Variants in MARCHF8 observed in about 807,000 individuals in gnomAD.
The protein encoded by MARCHF8 is E3 ubiquitin-protein ligase MARCHF8.
In MARCHF8, 40 loss-of-function variants were observed where a neutral mutation model predicts 51.6. That is an observed-to-expected ratio of 0.77 (90% CI 0.60 to 1.01). The LOEUF is 1.01. Ranked by LOEUF, MARCHF8 falls within the 50% of genes least tolerant of loss-of-function variation. The pLI is 0.00. For synonymous variants in MARCHF8, 263 were observed against 280.3 expected, an observed-to-expected ratio of 0.94 and a Z score of 0.62; for missense variants, 685 against 708.6, an observed-to-expected ratio of 0.97 and a Z score of 0.38.
intron 2 of MARCHF8, among the ~76,000 whole-genome samples, chr10:45,495,178 G>C (rs1477914969): frequency 6.6e-6 from 1 of 151,084 alleles, no homozygotes; most frequent in Non-Finnish European, 1.5e-5. Context: ...GGATTATGTA[G>C]GGTTTTATCT....
At chr10:45,584,126 CATATATATATATATATAT>C (rs55978063) in intron 1 of MARCHF8, among the ~76,000 whole-genome samples, 136 of 85,362 alleles carry the variant, frequency 1.6e-3, no homozygotes, top group Non-Finnish European at 1.8e-3. Context: ...TATATACAAT[CATATATATATATATATAT>C]ATATATATAT....
Position 45,533,204 on chromosome 10 carries a change from A to G in MARCHF8, c.8T>C (p.Met3Thr), listed in dbSNP as rs557096388. The change falls in exon 2 of 8, where the codon ATG becomes ACG. Residue 3 changes from methionine (M) to threonine (T), a missense_variant. Coordinates refer to ENST00000453424, the MANE Select transcript of MARCHF8 (RefSeq NM_001282866.2). MS[M>T]PLHQISAIPS... ...AATGGCAGAGATCTGATGCAGTGGC[A>G]TGCTCATCCCAACCTCTTATCTGGT... is the stretch of plus-strand genomic sequence containing the variant. 6.2e-7 allele frequency: 1 copy of G among 1,610,170 alleles called. No individual in the cohort carries two copies. The highest frequency in any genetic ancestry group is 1.1e-5 in the South Asian group (1 of 90,350).
intron 1 of MARCHF8, among the ~76,000 whole-genome samples, chr10:45,580,124 A>C (rs1268482339): frequency 6.6e-6 from 1 of 152,122 alleles, no homozygotes; most frequent in Admixed American, 6.6e-5. Context: ...AATGATAACT[A>C]TAATAGCAAA....
chr10:45,470,897 C>T (rs2042676910), intron 3 of MARCHF8, among the ~76,000 whole-genome samples: 1 of 152,174 alleles, frequency 6.6e-6, no homozygotes, highest in Non-Finnish European at 1.5e-5. Flanking sequence ...TTATGAGTAA[C>T]TCTGCTTTCG....
intron 1 of MARCHF8, among the ~76,000 whole-genome samples, chr10:45,556,410 T>C (rs2044251904): frequency 6.6e-6 from 1 of 152,044 alleles, no homozygotes; most frequent in Non-Finnish European, 1.5e-5. Flanking sequence ...AGAACAAGAA[T>C]GTACCCCCAA....
intron 2 of MARCHF8, among the ~76,000 whole-genome samples, chr10:45,522,177 T>C (rs1372108073): frequency 1.3e-5 from 2 of 152,188 alleles, no homozygotes; most frequent in Non-Finnish European, 1.5e-5. Flanking sequence ...TTTAATAAAA[T>C]AATTTTTTCA....
chr10:45,584,403 T>C (rs947368566), intron 1 of MARCHF8, among the ~76,000 whole-genome samples: 2 of 151,976 alleles, frequency 1.3e-5, no homozygotes, highest in African/African-American at 4.8e-5. Flanking sequence ...TATCTTTACT[T>C]ATGGATAAAT....
intron 1 of MARCHF8, among the ~76,000 whole-genome samples, chr10:45,579,507 A>C (rs2044529239): frequency 6.6e-6 from 1 of 152,102 alleles, no homozygotes; most frequent in South Asian, 2.1e-4. Context: ...CCAACTGCAC[A>C]AAAGAAGCTA....
chr10:45,465,801 C>A (rs1348569344), intron 3 of MARCHF8, among the ~76,000 whole-genome samples: 1 of 152,248 alleles, frequency 6.6e-6, no homozygotes, highest in Admixed American at 6.5e-5. Context: ...ACCAAAGAAT[C>A]TACATTTATT....
At chr10:45,534,731 G>T (rs1051169260) in intron 1 of MARCHF8, among the ~76,000 whole-genome samples, 4 of 152,098 alleles carry the variant, frequency 2.6e-5, no homozygotes, top group African/African-American at 9.7e-5. Context: ...GGAAAAGGTA[G>T]GGTAAACAAC....
intron 1 of MARCHF8, among the ~76,000 whole-genome samples, chr10:45,555,266 G>C (rs1318391419): frequency 6.6e-6 from 1 of 151,800 alleles, no homozygotes; most frequent in Admixed American, 6.6e-5. Context: ...TCATTAATAA[G>C]AATAACTGTG....
At chr10:45,497,667 C>A (rs191354186) in intron 2 of MARCHF8, among the ~76,000 whole-genome samples, 1 of 151,844 alleles carries the variant, frequency 6.6e-6, no homozygotes, top group Non-Finnish European at 1.5e-5. Context: ...AATTAAACAA[C>A]AAAATCTGAA....
intron 1 of MARCHF8, among the ~76,000 whole-genome samples, chr10:45,554,369 G>A (rs932453049): frequency 7.2e-5 from 11 of 152,102 alleles, no homozygotes; most frequent in South Asian, 2.1e-4. Context: ...TAAAAATAAC[G>A]TATTTCCTAG....
chr10:45,485,981 A>T (rs2133067171), intron 3 of MARCHF8, among the ~76,000 whole-genome samples: 1 of 152,332 alleles, frequency 6.6e-6, no homozygotes, highest in South Asian at 2.1e-4. Context: ...CAATAAAAAA[A>T]CTGTCTTCTC....
At chr10:45,591,333 C>T (rs35003524) in intron 1 of MARCHF8, among the ~76,000 whole-genome samples, 8,470 of 152,122 alleles carry the variant, frequency 0.056, 286 homozygotes, top group Non-Finnish European at 0.066. Flanking sequence ...GGCATGGTGG[C>T]GTGTGCCCAT....
intron 1 of MARCHF8, among the ~76,000 whole-genome samples, chr10:45,568,107 T>G (rs917863572): frequency 2.2e-4 from 33 of 152,220 alleles, no homozygotes; most frequent in African/African-American, 8.0e-4. Context: ...ATGCTACTGA[T>G]TTTGGTACGT....
In MARCHF8 at chr10:45,462,264, A is replaced by G. The variant is rs556754984; in HGVS notation, c.1089-853T>C. On this transcript the variant is annotated intron_variant, in intron 5 of 7. Coordinates refer to ENST00000453424, the MANE Select transcript of MARCHF8 (RefSeq NM_001282866.2). ...GGAGAAAGGTCAGAATGAGGAGGGC[A>G]CAAGAGTCATGACAAAAAGTGAATT... 3.9e-5 allele frequency: 6 copies of G among 152,408 alleles called. No homozygotes were observed. The East Asian group carries it at 1.2e-3, about 29-fold the overall frequency. The allele number at this position is 152,408 out of a possible 1,614,324, so 9.4% of individuals were successfully genotyped here. A position where few individuals can be genotyped will look rare whatever the true frequency, so the allele number is the denominator to read the frequency against.
chr10:45,459,349 T>TA, intron 6 of MARCHF8, 82 bp from the exon 7 acceptor site: 2 of 1,459,754 alleles, frequency 1.4e-6, no homozygotes, highest in East Asian at 2.4e-5. Context: ...GTAGGTAAGA[T>TA]TGGCTTTCCA....
upstream of MARCHF8, among the ~76,000 whole-genome samples, chr10:45,536,873 AT>A (rs1262378204): frequency 6.8e-6 from 1 of 147,916 alleles, no homozygotes; most frequent in East Asian, 2.0e-4. Flanking sequence ...AATAATAATA[AT>A]AATAATAAAG....
Sources: gnomAD v4.1 joint callset for allele counts (sites outside exome capture counted in the v4.1 genomes callset) on GRCh38, gnomAD v4.1.1 for gene constraint, MANE v1.5 for transcripts, NCBI Gene and HGNC (gene_info 2026-07-23, HGNC 2026-07-21) for gene names.